CCDC141: variants seen among roughly 807,000 people sequenced by gnomAD.
CCDC141 encodes coiled-coil domain-containing protein 141.
CCDC141 carries 168 observed loss-of-function variants against 181.0 expected under a neutral mutation model. That is an observed-to-expected ratio of 0.93 (90% CI 0.82 to 1.05). CCDC141 has a LOEUF of 1.05. Among genes scored for constraint, CCDC141 ranks in the 50% least tolerant of loss-of-function variants. CCDC141 has a pLI of 0.00. For missense variants in CCDC141, 1,902 were observed against 1,788.5 expected, an observed-to-expected ratio of 1.06 and a Z score of -1.14; for synonymous variants, 666 against 642.3, an observed-to-expected ratio of 1.04 and a Z score of -0.56.
chr2:178,888,747 T>C lies in CCDC141; in HGVS notation c.1266-79A>G, dbSNP rs1319370862. On this transcript the variant is annotated intron_variant, in intron 8 of 23. Coordinates refer to ENST00000443758, the MANE Select transcript of CCDC141 (RefSeq NM_173648.4). ...ATATTTGAAAACAGATCTGCTCTCA[T>C]GTTAGGTAGGCGTTGGTAAAAGGCA... 3.4e-6 allele frequency: 5 copies of C among 1,471,064 alleles called. No homozygotes were observed. In the South Asian group the frequency reaches 6.3e-5, roughly 18 times the overall value. 91.1% of individuals were successfully genotyped at this position (1,471,064 alleles called of 1,614,324 possible). A position where few individuals can be genotyped will look rare whatever the true frequency, so the allele number is the denominator to read the frequency against.
In CCDC141 at chr2:178,878,137, T is replaced by A. The variant is rs776686022; in HGVS notation, c.1726A>T (p.Met576Leu). 3.6e-5 allele frequency: 57 copies of A among 1,593,134 alleles called. No homozygotes were observed. Among genetic ancestry groups the A allele is most frequent in the Non-Finnish European group, 4.7e-5 (55 of 1,174,948 alleles). The change falls in exon 12 of 24, where the codon ATG becomes TTG. Residue 576 changes from methionine (M) to leucine (L), a missense_variant. Coordinates refer to ENST00000443758, the MANE Select transcript of CCDC141 (RefSeq NM_173648.4). ...AFLKSSEEVE[M>L]QFQSLKEFYE... ...AATTCTTTTAAGCTCTGAAACTGCA[T>A]CTCTACCTAAAAAAGAAAAAAGAGA...
At chr2:178,877,127 G>A (rs1686388706) in intron 12 of CCDC141, 1 of 152,106 alleles carries the variant, frequency 6.6e-6, no homozygotes, top group Admixed American at 6.6e-5. Context: ...ATCCTGAGAA[G>A]GGGGGATCAG....
chr2:178,964,155 C>T (rs1166209186), intron 4 of CCDC141, among the ~76,000 whole-genome samples: 1 of 152,106 alleles, frequency 6.6e-6, no homozygotes, highest in African/African-American at 2.4e-5. Context: ...TTTGTATAGC[C>T]TTAATGAAGT....
At chr2:179,039,822 A>G (rs1036076905) in intron 2 of CCDC141, among the ~76,000 whole-genome samples, 5 of 152,212 alleles carry the variant, frequency 3.3e-5, no homozygotes, top group African/African-American at 9.7e-5. Context: ...TCTTGACAGC[A>G]TATTAGCTAG....
At chr2:178,886,948 AATATT>A in intron 9 of CCDC141, 77 bp from the exon 10 acceptor site, 2 of 839,534 alleles carry the variant, frequency 2.4e-6, no homozygotes, top group Non-Finnish European at 3.3e-6. Flanking sequence ...CAGGAAGATA[AATATT>A]ATTTTATAGA....
At chr2:178,850,232 T>A in intron 20 of CCDC141, 71 bp from the exon 21 acceptor site, 1 of 764,922 alleles carries the variant, frequency 1.3e-6, no homozygotes, top group Non-Finnish European at 2.3e-6. Context: ...CAGGTATAAA[T>A]TCATCTCCCT....
At chr2:178,822,278 G>A in the CCDC141 span, among the ~76,000 whole-genome samples, 2 of 151,694 alleles carry the variant, frequency 1.3e-5, no homozygotes, top group Non-Finnish European at 2.9e-5. Context: ...GAGTGGGGAG[G>A]GATAGCATTA....
chr2:178,991,948 G>A (rs1342087373), intron 2 of CCDC141, among the ~76,000 whole-genome samples: 4 of 151,906 alleles, frequency 2.6e-5, no homozygotes, highest in African/African-American at 9.7e-5. Flanking sequence ...TCTTTAAAAT[G>A]TTACCAAAAT....
rs1446643978 is a variant in CCDC141, at chr2:178,833,774, A to C, written c.*399T>G. ...AATAGTTCTACTGATATTCCCTACA[A>C]AGGGATGTTTTAAAATACAATTAAA... is the stretch of plus-strand genomic sequence containing the variant. On this transcript the variant is annotated 3_prime_UTR_variant, in exon 24 of 24. Coordinates refer to ENST00000443758, the MANE Select transcript of CCDC141 (RefSeq NM_173648.4). The C allele has an allele frequency of 6.0e-6, 1 of 166,624 alleles. No individual in the cohort carries two copies. The highest frequency in any genetic ancestry group is 1.3e-5 in the Non-Finnish European group (1 of 75,878). The allele number at this position is 166,624 out of a possible 1,614,324, so 10.3% of individuals were successfully genotyped here. A position where few individuals can be genotyped will look rare whatever the true frequency, so the allele number is the denominator to read the frequency against.
chr2:179,018,662 C>T (rs1165701159), intron 2 of CCDC141, among the ~76,000 whole-genome samples: 1 of 152,170 alleles, frequency 6.6e-6, no homozygotes, highest in Non-Finnish European at 1.5e-5. Context: ...TAACTCCTTC[C>T]TGTGGGCTCC....
chr2:178,933,504 C>A (rs1290041878), intron 6 of CCDC141, among the ~76,000 whole-genome samples: 1 of 152,114 alleles, frequency 6.6e-6, no homozygotes. Flanking sequence ...GGGAGTCACA[C>A]CTTGAATAAC....
chr2:178,915,202 TGAAAG>T (rs1688390726), intron 7 of CCDC141, among the ~76,000 whole-genome samples: 1 of 147,894 alleles, frequency 6.8e-6, no homozygotes, highest in African/African-American at 2.5e-5. Context: ...AGAAAGAAAA[TGAAAG>T]GAAAAGGGGG....
At chr2:178,904,096 A>G in intron 8 of CCDC141, among the ~76,000 whole-genome samples, 1 of 152,182 alleles carries the variant, frequency 6.6e-6, no homozygotes, top group Admixed American at 6.5e-5. Context: ...CTGTATCCAT[A>G]TTTTGTTCCT....
rs1684185578 is a variant in CCDC141 at position 178,829,795 on chromosome 2, A to G, written c.*4378T>C. The G allele has an allele frequency of 6.6e-6, 1 of 152,236 alleles. No individual in the cohort carries two copies. The highest frequency in any genetic ancestry group is 2.1e-4 in the South Asian group (1 of 4,834). 9.4% of individuals were successfully genotyped at this position (152,236 alleles called of 1,614,324 possible). On this transcript the variant is annotated 3_prime_UTR_variant, in exon 24 of 24. Transcript: ENST00000443758. ...TATTTTATTTTGTTTCAACTAACTT[A>G]TTTCATGGCTGCACTTAAAATGCTG...
intron 2 of CCDC141, among the ~76,000 whole-genome samples, chr2:178,996,870 G>T (rs865817597): frequency 6.6e-6 from 1 of 152,226 alleles, no homozygotes; most frequent in Non-Finnish European, 1.5e-5. Flanking sequence ...GTAGAAAACT[G>T]TCTGATTCAA....
At position 179,050,114 on chromosome 2, in the gene CCDC141, G is replaced by T; in HGVS notation, c.-173C>A. 1.0e-6 allele frequency: 1 copy of T among 977,376 alleles called. No individual in the cohort carries two copies. The highest frequency in any genetic ancestry group is 1.4e-6 in the Non-Finnish European group (1 of 698,464). The allele number at this position is 977,376 out of a possible 1,614,324, so 60.5% of individuals were successfully genotyped here. A position where few individuals can be genotyped will look rare whatever the true frequency, so the allele number is the denominator to read the frequency against. On this transcript the variant is annotated 5_prime_UTR_variant, in exon 1 of 24. Transcript: ENST00000443758. ...GGTTAAAAATAGACAACCCCATTGA[G>T]TTTATCGTGAGAGAGAAAGGAGCGA...
rs529063081 is a variant in CCDC141 at position 178,994,102 on chromosome 2, G to A, written c.226-15427C>T. Among the ~76,000 whole-genome samples the A allele has an allele frequency of 2.6e-4, 39 of 152,230 alleles. No homozygotes were observed. The South Asian group carries it at 7.5e-3, about 29-fold the overall frequency. ...AGCTGTCAGTGGATCTACCATTCTG[G>A]AGTCTCGAGGACAGTGGGCCTCTTC... On this transcript the variant is annotated intron_variant, in intron 2 of 23. Transcript: ENST00000443758.
chr2:179,031,994 A>T (rs1159601943), intron 2 of CCDC141, among the ~76,000 whole-genome samples: 1 of 151,924 alleles, frequency 6.6e-6, no homozygotes, highest in East Asian at 1.9e-4. Context: ...ACTTACTTTT[A>T]AAAAAAATCA....
At chr2:178,973,926 T>C (rs1056706991) in intron 4 of CCDC141, among the ~76,000 whole-genome samples, 3 of 152,202 alleles carry the variant, frequency 2.0e-5, no homozygotes, top group Admixed American at 1.3e-4. Flanking sequence ...TGTATAATAA[T>C]GGGCAACTGT....
Sources: gnomAD v4.1 joint callset for allele counts (sites outside exome capture counted in the v4.1 genomes callset) on GRCh38, gnomAD v4.1.1 for gene constraint, MANE v1.5 for transcripts, NCBI Gene and HGNC (gene_info 2026-07-23, HGNC 2026-07-21) for gene names.